RIT2: variants seen among roughly 807,000 people sequenced by gnomAD.
The protein encoded by RIT2 is Ras like without CAAX 2, also known as GTP-binding protein Rit2.
RIT2 carries 24 observed loss-of-function variants against 23.7 expected under a neutral mutation model. The ratio of observed to expected loss-of-function variants is 1.01; its 90% CI spans 0.73 to 1.43. RIT2 has a LOEUF of 1.43. Ranked by LOEUF, RIT2 falls within the 40% of genes most tolerant of loss-of-function variation. The pLI, the probability that RIT2 is intolerant of heterozygous loss-of-function variation, is 0.00. For synonymous variants in RIT2, 107 were observed against 91.1 expected (o/e 1.17, Z -0.99); for missense variants, 236 against 266.9 (o/e 0.88, Z 0.81).
At chr18:42,927,134 G>A (rs1262345102) in intron 3 of RIT2, among the ~76,000 whole-genome samples, 1 of 151,806 alleles carries the variant, frequency 6.6e-6, no homozygotes, top group African/African-American at 2.4e-5. Flanking sequence ...CCTTTCACTG[G>A]GAGAACAGGC....
intron 4 of RIT2, among the ~76,000 whole-genome samples, chr18:42,814,859 C>T (rs1220636571): frequency 6.6e-6 from 1 of 152,150 alleles, no homozygotes; most frequent in Non-Finnish European, 1.5e-5. Flanking sequence ...TGCTGGTATA[C>T]CACCCCCAGT....
intron 4 of RIT2, among the ~76,000 whole-genome samples, chr18:42,918,657 T>A (rs1568029991): frequency 1.3e-5 from 2 of 152,140 alleles, no homozygotes; most frequent in Admixed American, 1.3e-4. Flanking sequence ...CTGCTACATA[T>A]TTATGTTTTG....
At chr18:42,932,928 G>A (rs1271396721) in intron 3 of RIT2, among the ~76,000 whole-genome samples, 1 of 151,504 alleles carries the variant, frequency 6.6e-6, no homozygotes, top group African/African-American at 2.4e-5. Context: ...CATCACTTAT[G>A]AACTTAAAAA....
chr18:42,923,385 C>A, intron 4 of RIT2, 187 bp downstream of exon 4: 1 of 617,608 alleles, frequency 1.6e-6, no homozygotes, highest in South Asian at 2.0e-5. Context: ...TGCAAAATAG[C>A]ATATGTGGTA....
chr18:42,840,664 G>T (rs745367785), intron 4 of RIT2, among the ~76,000 whole-genome samples: 2 of 152,102 alleles, frequency 1.3e-5, no homozygotes, highest in Non-Finnish European at 2.9e-5. Flanking sequence ...ACCATGCCTG[G>T]CTAATTTTGT....
In RIT2 at chr18:42,792,519, A is replaced by G. The variant is rs73484698; in HGVS notation, c.427-48799T>C. Among the ~76,000 whole-genome samples the G allele has an allele frequency of 6.3e-3, 956 of 152,224 alleles. 9 individuals are homozygous for G. The highest frequency in any genetic ancestry group is 0.021 in the African/African-American group (867 of 41,542). ...ATAATAATAAGAGTAGCCAATTTTC[A>G]CTTCCATTTGCCTTGTATTTTATAT... On this transcript the variant is annotated intron_variant, in intron 4 of 4. Coordinates refer to ENST00000326695, the MANE Select transcript of RIT2 (RefSeq NM_002930.4).
intron 4 of RIT2, among the ~76,000 whole-genome samples, chr18:42,922,755 C>T (rs1226173136): frequency 1.3e-5 from 2 of 152,058 alleles, no homozygotes; most frequent in African/African-American, 4.8e-5. Context: ...TCTAAGCTAG[C>T]CACAGTTTCT....
intron 3 of RIT2, among the ~76,000 whole-genome samples, chr18:42,968,693 T>C (rs1213537296): frequency 6.6e-6 from 1 of 152,224 alleles, no homozygotes; most frequent in African/African-American, 2.4e-5. Flanking sequence ...CATATATTTC[T>C]GACTATATGG....
chr18:43,052,506 A>G (rs1390857962), intron 1 of RIT2, among the ~76,000 whole-genome samples: 1 of 152,094 alleles, frequency 6.6e-6, no homozygotes, highest in Non-Finnish European at 1.5e-5. Flanking sequence ...TCTAATTCCT[A>G]TTACATACAG....
At chr18:43,081,957 T>A (rs1036776155) in intron 1 of RIT2, among the ~76,000 whole-genome samples, 15 of 152,114 alleles carry the variant, frequency 9.9e-5, no homozygotes, top group African/African-American at 3.6e-4. Flanking sequence ...GTTTAATTCT[T>A]AGCAGTAGGC....
intron 1 of RIT2, among the ~76,000 whole-genome samples, chr18:43,048,256 A>T (rs907232628): frequency 3.3e-5 from 5 of 152,198 alleles, no homozygotes; most frequent in African/African-American, 1.2e-4. Context: ...CAATAATACT[A>T]GTGTTAAACA....
At chr18:43,105,365 C>A (rs1913788323) in intron 1 of RIT2, among the ~76,000 whole-genome samples, 1 of 145,402 alleles carries the variant, frequency 6.9e-6, no homozygotes, top group East Asian at 2.0e-4. Context: ...TTTCCTAGGA[C>A]CTATCTGAAA....
intron 1 of RIT2, among the ~76,000 whole-genome samples, chr18:43,112,409 C>T (rs1334771059): frequency 3.9e-5 from 6 of 152,160 alleles, no homozygotes; most frequent in East Asian, 1.9e-4. Flanking sequence ...TAAATGTTTA[C>T]GTCCTTCATA....
chr18:42,983,998 A>G (rs1333865021), intron 2 of RIT2, among the ~76,000 whole-genome samples: 1 of 152,112 alleles, frequency 6.6e-6, no homozygotes, highest in African/African-American at 2.4e-5. Context: ...ACAGAGCAAC[A>G]ATTGCATTCT....
intron 4 of RIT2, among the ~76,000 whole-genome samples, chr18:42,893,212 C>A (rs190917842): frequency 3.6e-5 from 4 of 111,622 alleles, no homozygotes; most frequent in African/African-American, 1.1e-4. Context: ...GGAAACAGAG[C>A]GAGACTCCGT....
At chr18:42,859,040 A>T (rs919625634) in intron 4 of RIT2, among the ~76,000 whole-genome samples, 27 of 152,300 alleles carry the variant, frequency 1.8e-4, no homozygotes, top group African/African-American at 6.3e-4. Flanking sequence ...TTAGGTGGAC[A>T]TATGGTTTTA....
chr18:42,884,913 T>C (rs1907982526), intron 4 of RIT2, among the ~76,000 whole-genome samples: 1 of 152,234 alleles, frequency 6.6e-6, no homozygotes, highest in Non-Finnish European at 1.5e-5. Context: ...ACTTAAAATA[T>C]CCACCCCATC....
intron 4 of RIT2, among the ~76,000 whole-genome samples, chr18:42,744,946 G>C (rs1013283846): frequency 6.6e-6 from 1 of 152,106 alleles, no homozygotes; most frequent in South Asian, 2.1e-4. Flanking sequence ...AACTGACTGA[G>C]GCCAGGGACC....
chr18:43,052,582 A>G (rs998708363), intron 1 of RIT2, among the ~76,000 whole-genome samples: 1 of 152,088 alleles, frequency 6.6e-6, no homozygotes, highest in Non-Finnish European at 1.5e-5. Flanking sequence ...CTGAATTTGA[A>G]CGAAAAAGTC....
Sources: gnomAD v4.1 joint callset for allele counts (sites outside exome capture counted in the v4.1 genomes callset) on GRCh38, gnomAD v4.1.1 for gene constraint, MANE v1.5 for transcripts, NCBI Gene and HGNC (gene_info 2026-07-23, HGNC 2026-07-21) for gene names.